Variants in NBEAL1 observed in about 807,000 individuals in gnomAD.
The protein encoded by NBEAL1 is neurobeachin-like protein 1.
Under a neutral mutation model 351.3 loss-of-function variants are expected in NBEAL1, and 273 were observed. The ratio of observed to expected loss-of-function variants is 0.78; its 90% CI spans 0.70 to 0.86. NBEAL1 has a LOEUF of 0.86. NBEAL1 is among the 40% of genes least tolerant of loss of function. The pLI is 0.00. For synonymous variants in NBEAL1, 1,050 were observed against 1,086.4 expected, an observed-to-expected ratio of 0.97 and a Z score of 0.66; for missense variants, 2,961 against 3,201.3, an observed-to-expected ratio of 0.92 and a Z score of 1.81.
intron 18 of NBEAL1, 131 bp from the exon 19 acceptor site, chr2:203,122,123 A>G (rs1185937991): frequency 1.8e-6 from 1 of 548,752 alleles, no homozygotes; most frequent in Non-Finnish European, 3.1e-6. Context: ...CAATACTAAA[A>G]TTCATATTAT....
Position 203,219,415 on chromosome 2 carries a change from T to C in NBEAL1, c.*2061T>C, listed in dbSNP as rs958873466. On this transcript the variant is annotated 3_prime_UTR_variant, in exon 56 of 56. Transcript: ENST00000683969. ...CTAAGTTTATGATGTTTTACTATGC[T>C]GCTTTTTAGATGGAAGAAATAAGCA... 11 of 152,164 alleles carry C rather than the reference T, an allele frequency of 7.2e-5. No individual in the cohort carries two copies. Among genetic ancestry groups the C allele is most frequent in the Non-Finnish European group, 1.6e-4 (11 of 68,034 alleles). 9.4% of individuals were successfully genotyped at this position (152,164 alleles called of 1,614,324 possible). A position where few individuals can be genotyped will look rare whatever the true frequency, so the allele number is the denominator to read the frequency against.
chr2:203,205,445 A>G (rs1479211665), intron 51 of NBEAL1, among the ~76,000 whole-genome samples: 1 of 152,214 alleles, frequency 6.6e-6, no homozygotes, highest in Non-Finnish European at 1.5e-5. Context: ...TTTATACAAT[A>G]CCATTAGCTA....
At position 203,143,554 on chromosome 2, in the gene NBEAL1, C is replaced by T. The variant is rs2063435104; in HGVS notation, c.4849-1046C>T. ...TTTATTTGCTGTCCTCACAGCACCACTCTCCATCATCTGTCAGCTTGTGTT... is the reference window on the plus strand; with the variant it reads ...TTTATTTGCTGTCCTCACAGCACCATTCTCCATCATCTGTCAGCTTGTGTT... On this transcript the variant is annotated intron_variant, in intron 31 of 55. Coordinates refer to ENST00000683969, the MANE Select transcript of NBEAL1 (RefSeq NM_001378026.1). Among the ~76,000 whole-genome samples the T allele has an allele frequency of 2.0e-5, 3 of 150,110 alleles. No homozygotes were observed. The South Asian group carries it at 6.2e-4, about 31-fold the overall frequency.
At chr2:203,211,344 T>TAATATATATATA in intron 54 of NBEAL1, among the ~76,000 whole-genome samples, 1 of 152,100 alleles carries the variant, frequency 6.6e-6, no homozygotes, top group Non-Finnish European at 1.5e-5. Flanking sequence ...TTTACCGCAA[T>TAATATATATATA]TAAAAAATTT....
chr2:203,125,665 A>G (rs2106282101), intron 20 of NBEAL1, 145 bp downstream of exon 20: 6 of 808,358 alleles, frequency 7.4e-6, no homozygotes, highest in Non-Finnish European at 1.1e-5. Context: ...AATATCATTC[A>G]GAAAGTTTAT....
intron 24 of NBEAL1, among the ~76,000 whole-genome samples, chr2:203,128,328 G>C (rs1575011352): frequency 8.0e-6 from 1 of 125,254 alleles, no homozygotes; most frequent in South Asian, 2.7e-4. Flanking sequence ...GGCTGGTCTT[G>C]AACTCCTAAC....
At chr2:203,042,034 A>T (rs992697353) in intron 3 of NBEAL1, among the ~76,000 whole-genome samples, 178 bp downstream of exon 3, 4 of 152,236 alleles carry the variant, frequency 2.6e-5, no homozygotes, top group African/African-American at 9.6e-5. Context: ...ATGATGCCAG[A>T]CCTGGCTTCT....
In NBEAL1 at chr2:203,115,960, G is replaced by A. The variant is rs2062686372; in HGVS notation, c.2507-25G>A. On this transcript the variant is annotated intron_variant, in intron 17 of 55. Coordinates refer to ENST00000683969, the MANE Select transcript of NBEAL1 (RefSeq NM_001378026.1). ...GGAGACCATATATATTCAATGGTGT[G>A]TATGTGTGTGTAAATAATTTTCAGG... 4 of 1,452,572 alleles carry A rather than the reference G, an allele frequency of 2.8e-6. No homozygotes were observed. The East Asian group carries it at 7.4e-5, about 27-fold the overall frequency. The allele number at this position is 1,452,572 out of a possible 1,614,324, so 90.0% of individuals were successfully genotyped here.
intron 3 of NBEAL1, among the ~76,000 whole-genome samples, chr2:203,043,467 G>A (rs1475269264): frequency 1.3e-5 from 2 of 152,144 alleles, no homozygotes; most frequent in Non-Finnish European, 2.9e-5. Context: ...TTGGCCGGGT[G>A]CAGTGGCTCA....
chr2:203,177,997 C>T (rs1157606477), intron 42 of NBEAL1, among the ~76,000 whole-genome samples: 4 of 147,890 alleles, frequency 2.7e-5, no homozygotes, highest in East Asian at 2.0e-4. Context: ...CCAGCCTGGG[C>T]GACAGAGCAA....
At chr2:203,087,503 T>C (rs968786315) in intron 10 of NBEAL1, among the ~76,000 whole-genome samples, 1 of 152,224 alleles carries the variant, frequency 6.6e-6, no homozygotes, top group Admixed American at 6.5e-5. Flanking sequence ...GAAAATATTC[T>C]AGTGATTTTT....
chr2:203,056,492 C>A lies in NBEAL1; in HGVS notation c.371C>A (p.Thr124Lys), dbSNP rs1429679038. The A allele has an allele frequency of 1.3e-6, 2 of 1,534,862 alleles. No homozygotes were observed. The highest frequency in any genetic ancestry group is 1.2e-5 in the South Asian group (1 of 83,972). Residue 124 changes from threonine (T) to lysine (K), a missense_variant, in exon 5 of 56, where the codon ACA becomes AAA. Coordinates refer to ENST00000683969, the MANE Select transcript of NBEAL1 (RefSeq NM_001378026.1). ...ATTAATTATGTCATCACCATGACAA[C>A]ACTCTATATTCAGCAAGTAGGTGTG... ...SYINYVITMT[T>K]LYIQQLKSKK...
At chr2:203,209,069 C>G in intron 52 of NBEAL1, 92 bp from the exon 53 acceptor site, 2 of 1,038,496 alleles carry the variant, frequency 1.9e-6, no homozygotes, top group Non-Finnish European at 2.8e-6. Context: ...GGTTCCTTTC[C>G]CACATTTCTT....
chr2:203,105,560 A>G (rs10497870), intron 12 of NBEAL1, among the ~76,000 whole-genome samples: 61,633 of 151,930 alleles, frequency 0.41, 12,922 homozygotes, highest in East Asian at 0.63. Context: ...TGTATCTCCA[A>G]GTTTTAAAAT....
intron 2 of NBEAL1, among the ~76,000 whole-genome samples, chr2:203,033,674 A>G (rs553100324): frequency 6.6e-6 from 1 of 152,102 alleles, no homozygotes; most frequent in East Asian, 1.9e-4. Flanking sequence ...ACCCTTTTTT[A>G]AAAAACTTTT....
intron 48 of NBEAL1, among the ~76,000 whole-genome samples, chr2:203,198,931 T>A (rs2065314585): frequency 6.6e-6 from 1 of 151,640 alleles, no homozygotes; most frequent in Admixed American, 6.6e-5. Context: ...CTCACGCCTG[T>A]CATCCTAATG....
chr2:203,165,050 G>A (rs961463815), intron 36 of NBEAL1, among the ~76,000 whole-genome samples: 2 of 151,908 alleles, frequency 1.3e-5, no homozygotes, highest in Admixed American at 6.6e-5. Context: ...TAGTAGAGAC[G>A]GAGTTTCTCC....
At chr2:203,088,108 A>C (rs1211546963) in intron 10 of NBEAL1, among the ~76,000 whole-genome samples, 2 of 152,222 alleles carry the variant, frequency 1.3e-5, no homozygotes, top group African/African-American at 4.8e-5. Flanking sequence ...ACTCAGGCTT[A>C]TTTTAAAAGT....
At chr2:203,169,388 TAAAA>T (rs1208449990) in intron 38 of NBEAL1, among the ~76,000 whole-genome samples, 1 of 89,660 alleles carries the variant, frequency 1.1e-5, no homozygotes, top group Non-Finnish European at 2.1e-5. Flanking sequence ...TTGAATATAG[TAAAA>T]AAAAAAAAAA....
Sources: gnomAD v4.1 joint callset for allele counts (sites outside exome capture counted in the v4.1 genomes callset) on GRCh38, gnomAD v4.1.1 for gene constraint, MANE v1.5 for transcripts, NCBI Gene and HGNC (gene_info 2026-07-23, HGNC 2026-07-21) for gene names.